The following MCC variants were observed in gnomAD, a reference collection of about 807,000 sequenced individuals.
MCC encodes the protein MCC regulator of Wnt signaling pathway.
Under a neutral mutation model 116.2 loss-of-function variants are expected in MCC, and 90 were observed. The observed-to-expected ratio is 0.77, with a 90% CI of 0.65 to 0.92. The LOEUF is 0.92. Among genes scored for constraint, MCC ranks in the 40% least tolerant of loss-of-function variants. The probability of loss-of-function intolerance (pLI) is 0.00; values close to 1 mark genes in which losing one functional copy is unlikely to be tolerated. For missense variants in MCC, 1,516 were observed against 1,312.2 expected (o/e 1.16, Z -2.40); for synonymous variants, 578 against 510.5 (o/e 1.13, Z -1.78).
chr5:113,299,292 C>CAAAAAAAAAAAAAAA (rs58372049), intron 3 of MCC, among the ~76,000 whole-genome samples: 6 of 52,078 alleles, frequency 1.2e-4, no homozygotes, highest in Non-Finnish European at 2.3e-4. Context: ...GACTCCGTCT[C>CAAAAAAAAAAAAAAA]AAAAAAAAAA....
At chr5:113,416,327 G>C (rs1229856402) in intron 1 of MCC, among the ~76,000 whole-genome samples, 1 of 152,192 alleles carries the variant, frequency 6.6e-6, no homozygotes, top group Non-Finnish European at 1.5e-5. Context: ...ACTGAAACAG[G>C]AGGATTGCTT....
At chr5:113,243,148 T>C (rs999853899) in intron 3 of MCC, among the ~76,000 whole-genome samples, 2 of 151,724 alleles carry the variant, frequency 1.3e-5, no homozygotes, top group Admixed American at 6.6e-5. Flanking sequence ...AAATGGCTGT[T>C]ACCAAGCATG....
In MCC at chr5:113,027,331, T is replaced by C. The variant is rs1165159477; in HGVS notation, c.3031A>G (p.Arg1011Gly). The C allele has an allele frequency of 6.2e-7, 1 of 1,614,218 alleles. No homozygotes were observed. The highest frequency in any genetic ancestry group is 2.2e-5 in the East Asian group (1 of 44,888). ...AGCGAAGTTTCATTGGTGTGTGGCC[T>C]GGAGTTCTCCTCCTCTAGCAGAGCT... Reference protein sequence around the residue: ...RIALLEEENSRPHTNETSL With the variant: ...RIALLEEENSGPHTNETSL The change falls in exon 19 of 19, where the codon AGG (arginine) becomes GGG (glycine). Residue 1011 changes from arginine to glycine, a missense_variant. Transcript: ENST00000408903.
intron 3 of MCC, among the ~76,000 whole-genome samples, chr5:113,337,344 G>C (rs1767894474): frequency 6.6e-6 from 1 of 152,188 alleles, no homozygotes; most frequent in African/African-American, 2.4e-5. Flanking sequence ...TGGTATACCA[G>C]GAGGCTGGAC....
intron 16 of MCC, 184 bp downstream of exon 16, chr5:113,048,908 TA>T: frequency 1.6e-6 from 1 of 613,624 alleles, no homozygotes; most frequent in Non-Finnish European, 2.9e-6. Flanking sequence ...TTGGTATTTC[TA>T]AAATGTAGAC....
rs2227950 is a variant in MCC at position 113,071,165 on chromosome 5, G to C, written c.1854C>G (p.Ala618=). 6.2e-7 allele frequency: 1 copy of C among 1,613,838 alleles called. No homozygotes were observed. Among genetic ancestry groups the C allele is most frequent in the South Asian group, 1.1e-5 (1 of 91,070 alleles). The change falls in exon 12 of 19, where the codon GCC becomes GCG. Residue 618 remains alanine, a synonymous_variant. Coordinates refer to ENST00000408903, the MANE Select transcript of MCC (RefSeq NM_001085377.2). The part of the protein sequence containing the change: ...TITLEECKSN[A]ERMSMLVGKY... ...TTCCCACCAGCATGCTCATCCTCTC[G>C]GCATTGCTTTTACATTCCTCCAAGG...
At chr5:113,272,885 C>A (rs1765668669) in intron 3 of MCC, among the ~76,000 whole-genome samples, 1 of 152,162 alleles carries the variant, frequency 6.6e-6, no homozygotes, top group African/African-American at 2.4e-5. Flanking sequence ...GCAAATATAA[C>A]CACTGATTAT....
At chr5:113,272,613 A>T (rs948353541) in intron 3 of MCC, among the ~76,000 whole-genome samples, 1 of 152,154 alleles carries the variant, frequency 6.6e-6, no homozygotes, top group South Asian at 2.1e-4. Context: ...CCATGTTAGG[A>T]TATGTTTCCG....
At chr5:113,234,141 TGATA>T (rs1434705139) in intron 3 of MCC, among the ~76,000 whole-genome samples, 2 of 152,206 alleles carry the variant, frequency 1.3e-5, no homozygotes, top group Non-Finnish European at 2.9e-5. Flanking sequence ...TTTCATGAAC[TGATA>T]GTTTGTGAAA....
At chr5:113,088,496 T>A (rs1293670809) in intron 8 of MCC, among the ~76,000 whole-genome samples, 1 of 151,276 alleles carries the variant, frequency 6.6e-6, no homozygotes, top group Non-Finnish European at 1.5e-5. Context: ...TAGATATAAC[T>A]AAATTAACGA....
intron 1 of MCC, among the ~76,000 whole-genome samples, chr5:113,421,171 C>T (rs926050930): frequency 5.3e-5 from 8 of 151,924 alleles, no homozygotes; most frequent in Non-Finnish European, 1.0e-4. Flanking sequence ...ACTACAGGCA[C>T]GCGCCACCAT....
At chr5:113,439,989 C>T (rs1169144245) in intron 1 of MCC, among the ~76,000 whole-genome samples, 1 of 152,162 alleles carries the variant, frequency 6.6e-6, no homozygotes, top group Non-Finnish European at 1.5e-5. Flanking sequence ...CCTCAACCTC[C>T]TGGCCTTAAG....
chr5:113,044,381 T>G (rs1430309318), intron 16 of MCC: 1 of 519,500 alleles, frequency 1.9e-6, no homozygotes, highest in Non-Finnish European at 2.5e-6. Flanking sequence ...TAGTTAAGAC[T>G]ATTCAAAGCA....
chr5:113,138,657 A>T (rs1758993466), intron 5 of MCC, among the ~76,000 whole-genome samples: 2 of 152,178 alleles, frequency 1.3e-5, no homozygotes, highest in African/African-American at 4.8e-5. Context: ...TGGCAGCCCA[A>T]GCTGACTGAT....
chr5:113,469,685 G>C (rs1404454226), intron 1 of MCC, among the ~76,000 whole-genome samples: 1 of 152,196 alleles, frequency 6.6e-6, no homozygotes, highest in East Asian at 1.9e-4. Flanking sequence ...GAGTTCTGTA[G>C]ATGTCTATTA....
chr5:113,110,440 G>C (rs1485605128), intron 6 of MCC, among the ~76,000 whole-genome samples: 1 of 152,212 alleles, frequency 6.6e-6, no homozygotes, highest in African/African-American at 2.4e-5. Context: ...GGTGTTTTTG[G>C]CAACAGACGC....
intron 5 of MCC, among the ~76,000 whole-genome samples, chr5:113,134,596 G>A (rs896050450): frequency 2.8e-3 from 120 of 42,280 alleles, no homozygotes; most frequent in African/African-American, 8.8e-3. Flanking sequence ...TATAAACATT[G>A]TAGGATTTTT....
intron 17 of MCC, 50 bp from the exon 18 acceptor site, chr5:113,029,106 G>C (rs1169616900): frequency 6.4e-7 from 1 of 1,551,548 alleles, no homozygotes; most frequent in East Asian, 2.3e-5. Context: ...GATGATGCTG[G>C]AGGTGCCCAC....
At chr5:113,067,092 G>T (rs1473587601) in intron 13 of MCC, among the ~76,000 whole-genome samples, 1 of 152,186 alleles carries the variant, frequency 6.6e-6, no homozygotes, top group African/African-American at 2.4e-5. Flanking sequence ...AAATGCTGCC[G>T]CTTCCTAGAA....
Sources: allele counts gnomAD v4.1 joint callset (sites outside exome capture counted in the v4.1 genomes callset), GRCh38; gene constraint gnomAD v4.1.1; transcripts MANE v1.5; gene names NCBI Gene and HGNC (gene_info 2026-07-23, HGNC 2026-07-21).